The following MTHFD2L variants were observed in gnomAD, a reference collection of about 807,000 sequenced individuals.
The protein encoded by MTHFD2L is bifunctional methylenetetrahydrofolate dehydrogenase/cyclohydrolase 2, mitochondrial.
In MTHFD2L, 29 loss-of-function variants were observed where a neutral mutation model predicts 34.9. The ratio of observed to expected loss-of-function variants is 0.83; its 90% CI spans 0.62 to 1.13. The LOEUF is 1.13. Among genes scored for constraint, MTHFD2L ranks in the 50% most tolerant of loss-of-function variants. MTHFD2L has a pLI of 0.00. For missense variants in MTHFD2L, 481 were observed against 446.5 expected (o/e 1.08, Z -0.70); for synonymous variants, 167 against 155.7 (o/e 1.07, Z -0.54).
chr4:74,300,922 A>G (rs1750222852), intron 7 of MTHFD2L, among the ~76,000 whole-genome samples: 1 of 152,090 alleles, frequency 6.6e-6, no homozygotes, highest in African/African-American at 2.4e-5. Flanking sequence ...ATTGTAGAGT[A>G]TTGGTTGATC....
chr4:74,145,083 A>G (rs972864801), intron 1 of MTHFD2L, among the ~76,000 whole-genome samples: 5 of 152,108 alleles, frequency 3.3e-5, no homozygotes, highest in Admixed American at 6.5e-5. Flanking sequence ...ATCTTGAAAT[A>G]GAGAAAGATT....
intron 7 of MTHFD2L, among the ~76,000 whole-genome samples, chr4:74,299,168 A>G (rs1310878816): frequency 6.6e-6 from 1 of 151,978 alleles, no homozygotes; most frequent in African/African-American, 2.4e-5. Context: ...TTTCTGATAT[A>G]ACAAATTGTA....
At chr4:74,206,807 G>T (rs954810003) in intron 5 of MTHFD2L, among the ~76,000 whole-genome samples, 1 of 152,132 alleles carries the variant, frequency 6.6e-6, no homozygotes, top group African/African-American at 2.4e-5. Context: ...TTTCCTTCAA[G>T]ATTACAAATT....
chr4:74,274,465 A>G (rs1746367546), intron 6 of MTHFD2L, among the ~76,000 whole-genome samples: 1 of 152,206 alleles, frequency 6.6e-6, no homozygotes, highest in Non-Finnish European at 1.5e-5. Flanking sequence ...ACAACTCCTT[A>G]TCCTAGCAGG....
In MTHFD2L at chr4:74,247,558, A is replaced by T. The variant is rs561013853; in HGVS notation, c.805+22164A>T. Among the ~76,000 whole-genome samples, 15 of 152,242 alleles carry T rather than the reference A, an allele frequency of 9.9e-5. No individual in the cohort carries two copies. The South Asian group carries it at 2.7e-3, about 27-fold the overall frequency. ...AGAGAGGGCATCCCTGTCTTGTGCC[A>T]GTTTTCAAAGGGAATGCTTCCAGGT... On this transcript the variant is annotated intron_variant, in intron 6 of 7. Coordinates refer to ENST00000325278, the MANE Select transcript of MTHFD2L (RefSeq NM_001144978.3).
intron 6 of MTHFD2L, among the ~76,000 whole-genome samples, chr4:74,265,387 T>C (rs980304099): frequency 1.3e-5 from 2 of 152,126 alleles, no homozygotes; most frequent in African/African-American, 2.4e-5. Flanking sequence ...ATGGCAGAAA[T>C]GGCAGAGGGT....
intron 1 of MTHFD2L, among the ~76,000 whole-genome samples, chr4:74,166,893 C>T (rs1321776602): frequency 6.6e-6 from 1 of 152,202 alleles, no homozygotes; most frequent in Non-Finnish European, 1.5e-5. Context: ...GTTCTAGGTA[C>T]CAGGTCTTCC....
At chr4:74,124,547 A>C (rs551240658), upstream of MTHFD2L, among the ~76,000 whole-genome samples, 2 of 152,030 alleles carry the variant, frequency 1.3e-5, no homozygotes, top group East Asian at 3.9e-4. Context: ...ATTTTGAAAG[A>C]AAGGAAATTA....
At chr4:74,210,753 A>C (rs1417109651) in intron 5 of MTHFD2L, among the ~76,000 whole-genome samples, 1 of 152,150 alleles carries the variant, frequency 6.6e-6, no homozygotes, top group Non-Finnish European at 1.5e-5. Context: ...TGGGGATAGC[A>C]TTGACTCTTT....
At chr4:74,124,249 C>T (rs1031939730), upstream of MTHFD2L, among the ~76,000 whole-genome samples, 21 of 151,420 alleles carry the variant, frequency 1.4e-4, no homozygotes, top group African/African-American at 4.9e-4. Flanking sequence ...TCTGTATTTG[C>T]TTTTTCGTTT....
intron 1 of MTHFD2L, among the ~76,000 whole-genome samples, chr4:74,149,349 C>T (rs1485168332): frequency 1.3e-5 from 2 of 151,808 alleles, no homozygotes; most frequent in African/African-American, 2.4e-5. Flanking sequence ...CAAACTCAGA[C>T]ATCTGTTAAT....
chr4:74,258,806 A>G (rs1194058253), intron 6 of MTHFD2L, among the ~76,000 whole-genome samples: 1 of 152,224 alleles, frequency 6.6e-6, no homozygotes, highest in Non-Finnish European at 1.5e-5. Context: ...GAACATAAGT[A>G]TCAGTGCAGA....
At chr4:74,276,001 T>C (rs1012514185) in intron 6 of MTHFD2L, among the ~76,000 whole-genome samples, 1 of 152,164 alleles carries the variant, frequency 6.6e-6, no homozygotes, top group Non-Finnish European at 1.5e-5. Flanking sequence ...CTTTTGGTGA[T>C]TTCATTGTAA....
Position 74,281,460 on chromosome 4 carries a change from G to C in MTHFD2L, c.841G>C (p.Glu281Gln). The change falls in exon 7 of 8, where the codon GAA becomes CAA. Residue 281 changes from glutamate (E) to glutamine (Q), a missense_variant. Glu to Gln is a conservative substitution (Grantham distance 29, BLOSUM62 2). Coordinates refer to ENST00000325278, the MANE Select transcript of MTHFD2L (RefSeq NM_001144978.3). Reference sequence around the variant, plus strand: ...GTTGATTACGTCTGATATGGTTAAAGAAGGTGCTGCTGTAATTGATGTGGG... The same window carrying C: ...GTTGATTACGTCTGATATGGTTAAACAAGGTGCTGCTGTAATTGATGTGGG... ...PKLITSDMVK[E>Q]GAAVIDVGIN... is the part of the protein sequence containing the mutation. 1 of 1,612,678 alleles carries C rather than the reference G, an allele frequency of 6.2e-7. No individual in the cohort carries two copies. Among genetic ancestry groups the C allele is most frequent in the Non-Finnish European group, 8.5e-7 (1 of 1,179,154 alleles).
chr4:74,196,921 G>A (rs1485266934), intron 3 of MTHFD2L, among the ~76,000 whole-genome samples: 8 of 150,646 alleles, frequency 5.3e-5, no homozygotes, highest in African/African-American at 2.0e-4. Context: ...ACTCCAGCCT[G>A]GGGAACAGAA....
intron 2 of MTHFD2L, among the ~76,000 whole-genome samples, chr4:74,116,171 G>A (rs1268103625): frequency 6.6e-6 from 1 of 152,060 alleles, no homozygotes; most frequent in Non-Finnish European, 1.5e-5. Context: ...GTGTATATTA[G>A]GACACATTCT....
intron 6 of MTHFD2L, among the ~76,000 whole-genome samples, chr4:74,243,862 A>T (rs1246592): frequency 0.93 from 141,227 of 152,198 alleles, 66,103 homozygotes; most frequent in Non-Finnish European, 0.99. Flanking sequence ...CCTCACCTAT[A>T]ATAGTGGGCT....
intron 1 of MTHFD2L, among the ~76,000 whole-genome samples, chr4:74,132,333 C>G (rs2109808108): frequency 6.6e-6 from 1 of 152,236 alleles, no homozygotes; most frequent in East Asian, 1.9e-4. Flanking sequence ...GATGTCAAAC[C>G]AACCCAAATA....
intron 6 of MTHFD2L, among the ~76,000 whole-genome samples, chr4:74,258,841 A>G (rs1744347903): frequency 1.3e-5 from 2 of 152,186 alleles, no homozygotes; most frequent in South Asian, 4.1e-4. Context: ...TAAGTCAGGA[A>G]AACTATGGAC....
Sources: gnomAD v4.1 joint callset for allele counts (sites outside exome capture counted in the v4.1 genomes callset) on GRCh38, gnomAD v4.1.1 for gene constraint, MANE v1.5 for transcripts, NCBI Gene and HGNC (gene_info 2026-07-23, HGNC 2026-07-21) for gene names.